The following GAB2 variants were observed in gnomAD, a reference collection of about 807,000 sequenced individuals.
GAB2 encodes GRB2-associated-binding protein 2.
In GAB2, 26 loss-of-function variants were observed where a neutral mutation model predicts 65.5. The ratio of observed to expected loss-of-function variants is 0.40; its 90% CI spans 0.29 to 0.55. The LOEUF is 0.55. Ranked by LOEUF, GAB2 falls within the 20% of genes least tolerant of loss-of-function variation. The pLI, the probability that GAB2 is intolerant of heterozygous loss-of-function variation, is 0.53. For missense variants in GAB2, 884 were observed against 875.8 expected, an observed-to-expected ratio of 1.01 and a Z score of -0.12; for synonymous variants, 321 against 329.6, an observed-to-expected ratio of 0.97 and a Z score of 0.28.
chr11:78,260,623 T>C (rs907349796), intron 2 of GAB2, among the ~76,000 whole-genome samples: 2 of 152,028 alleles, frequency 1.3e-5, no homozygotes, highest in Non-Finnish European at 2.9e-5. Context: ...AGGCACCCAC[T>C]GCCACACCTA....
chr11:78,225,234 A>G (rs1485122336), intron 4 of GAB2, 32 bp from the exon 5 acceptor site: 1 of 1,434,628 alleles, frequency 7.0e-7, no homozygotes, highest in African/African-American at 1.4e-5. Flanking sequence ...ATAAGTACTC[A>G]TGGTTGATTC....
At chr11:78,346,707 AT>A (rs1565168219) in intron 1 of GAB2, among the ~76,000 whole-genome samples, 148 of 93,768 alleles carry the variant, frequency 1.6e-3, no homozygotes, top group Middle Eastern at 5.3e-3. Context: ...ATATATATAT[AT>A]ATATATATAT....
At chr11:78,405,695 A>C (rs1159979252) in intron 1 of GAB2, among the ~76,000 whole-genome samples, 1 of 152,198 alleles carries the variant, frequency 6.6e-6, no homozygotes, top group African/African-American at 2.4e-5. Context: ...AGAATCTAAA[A>C]GGTGAAGAGT....
intron 1 of GAB2, among the ~76,000 whole-genome samples, chr11:78,334,458 G>A (rs1471265521): frequency 6.6e-6 from 1 of 152,042 alleles, no homozygotes; most frequent in Non-Finnish European, 1.5e-5. Flanking sequence ...ATCTCCATGA[G>A]TGCAATTGTT....
At chr11:78,234,737 A>G (rs1179225315) in intron 3 of GAB2, among the ~76,000 whole-genome samples, 1 of 151,960 alleles carries the variant, frequency 6.6e-6, no homozygotes, top group Admixed American at 6.6e-5. Flanking sequence ...CTTGATTACC[A>G]TAGTTTGACA....
At chr11:78,313,192 GC>G (rs772431383) in intron 1 of GAB2, among the ~76,000 whole-genome samples, 1 of 152,034 alleles carries the variant, frequency 6.6e-6, no homozygotes, top group Non-Finnish European at 1.5e-5. Context: ...TCACTCTAAA[GC>G]TTTTTTTTTC....
intron 1 of GAB2, among the ~76,000 whole-genome samples, chr11:78,297,865 G>A (rs1358869062): frequency 6.6e-6 from 1 of 151,990 alleles, no homozygotes; most frequent in Non-Finnish European, 1.5e-5. Flanking sequence ...CACATAAAGT[G>A]TATATATAGC....
chr11:78,264,331 C>A (rs1367183617), intron 2 of GAB2, among the ~76,000 whole-genome samples: 3 of 151,116 alleles, frequency 2.0e-5, no homozygotes, highest in Non-Finnish European at 4.4e-5. Context: ...TCTAGGATGG[C>A]TTTTGTTAAA....
At position 78,277,544 on chromosome 11, in the gene GAB2, C is replaced by T. The variant is rs527280645; in HGVS notation, c.376+3057G>A. On this transcript the variant is annotated intron_variant, in intron 2 of 9. Coordinates refer to ENST00000361507, the MANE Select transcript of GAB2 (RefSeq NM_080491.3). ...TCTCAGGAGATAGGCAAGTCTCAAGCACGCACACTATGAGGCAAAATGGTC... is the reference window on the plus strand; with the variant it reads ...TCTCAGGAGATAGGCAAGTCTCAAGTACGCACACTATGAGGCAAAATGGTC... 2.6e-5 allele frequency among the ~76,000 whole-genome samples: 4 copies of T among 152,348 alleles called. No individual in the cohort carries two copies. In the South Asian group the frequency reaches 8.3e-4, roughly 32 times the overall value.
chr11:78,340,805 T>C (rs1856080328), intron 1 of GAB2, among the ~76,000 whole-genome samples: 1 of 152,110 alleles, frequency 6.6e-6, no homozygotes, highest in African/African-American at 2.4e-5. Flanking sequence ...AAAGGGTGTA[T>C]CTCTCAAAGC....
In GAB2 at chr11:78,355,016, T is replaced by C. The variant is rs532512757; in HGVS notation, c.75+62630A>G. Among the ~76,000 whole-genome samples, 9 of 152,352 alleles carry C rather than the reference T, an allele frequency of 5.9e-5. No individual in the cohort carries two copies. The South Asian group carries it at 1.9e-3, about 32-fold the overall frequency. ...TATTAACTCTCTAGGTTCTGGCTTA[T>C]TTTCAAAGGCAAACCACCTTTATGA... On this transcript the variant is annotated intron_variant, in intron 1 of 9. Transcript: ENST00000361507.
chr11:78,221,096 C>T (rs1188029941), intron 8 of GAB2, among the ~76,000 whole-genome samples: 4 of 152,182 alleles, frequency 2.6e-5, no homozygotes, highest in South Asian at 4.1e-4. Context: ...TAGCAGAGCA[C>T]CACCTCCTCT....
chr11:78,240,611 G>A (rs1168320123), intron 3 of GAB2, among the ~76,000 whole-genome samples: 1 of 151,574 alleles, frequency 6.6e-6, no homozygotes, highest in Non-Finnish European at 1.5e-5. Flanking sequence ...TAAGCCTAAA[G>A]AGGGACCATG....
chr11:78,413,083 C>A (rs774649276), intron 1 of GAB2, among the ~76,000 whole-genome samples: 3 of 152,098 alleles, frequency 2.0e-5, no homozygotes, highest in Non-Finnish European at 4.4e-5. Context: ...AAGAGATGAA[C>A]AAAGAAGAGT....
At chr11:78,309,971 T>TGTGTGTGTGTGTGCGCGCGC (rs1421836447) in intron 1 of GAB2, among the ~76,000 whole-genome samples, 6 of 120,190 alleles carry the variant, frequency 5.0e-5, no homozygotes, top group African/African-American at 2.1e-4. Flanking sequence ...TGTGTGTGTG[T>TGTGTGTGTGTGTGCGCGCGC]GCGCGCGCGC....
intron 1 of GAB2, among the ~76,000 whole-genome samples, chr11:78,395,228 CG>C (rs1373834729): frequency 1.3e-5 from 2 of 152,196 alleles, no homozygotes; most frequent in African/African-American, 4.8e-5. Flanking sequence ...CCAAGGCAGG[CG>C]GATCACATCA....
intron 1 of GAB2, among the ~76,000 whole-genome samples, chr11:78,397,422 C>G (rs1477606465): frequency 6.6e-6 from 1 of 152,166 alleles, no homozygotes; most frequent in Non-Finnish European, 1.5e-5. Context: ...CAGCGTAAAC[C>G]AACAGTTACT....
chr11:78,370,780 C>G (rs989307388), intron 1 of GAB2, among the ~76,000 whole-genome samples: 1 of 151,356 alleles, frequency 6.6e-6, no homozygotes, highest in Non-Finnish European at 1.5e-5. Flanking sequence ...CAGGCAGACA[C>G]GAAGCAATTT....
chr11:78,326,456 C>A (rs943189509), intron 1 of GAB2, among the ~76,000 whole-genome samples: 3 of 151,968 alleles, frequency 2.0e-5, no homozygotes, highest in Admixed American at 2.0e-4. Flanking sequence ...TAACAGTAAA[C>A]CCTACTGAAT....
Sources: gnomAD v4.1 joint callset for allele counts (sites outside exome capture counted in the v4.1 genomes callset) on GRCh38, gnomAD v4.1.1 for gene constraint, MANE v1.5 for transcripts, NCBI Gene and HGNC (gene_info 2026-07-23, HGNC 2026-07-21) for gene names.